AFF1: variants seen among roughly 807,000 people sequenced by gnomAD.
AFF1 encodes ALF transcription elongation factor 1.
Under a neutral mutation model 121.7 loss-of-function variants are expected in AFF1, and 48 were observed. The observed-to-expected ratio is 0.39, with a 90% confidence interval of 0.31 to 0.50. AFF1 has a LOEUF of 0.50. AFF1 is among the 20% of genes least tolerant of loss of function. AFF1 has a pLI of 0.76. For synonymous variants in AFF1, 613 were observed against 563.0 expected, an observed-to-expected ratio of 1.09 and a Z score of -1.26; for missense variants, 1,523 against 1,511.7, an observed-to-expected ratio of 1.01 and a Z score of -0.12.
At chr4:86,962,676 G>A (rs1160356160) in intron 2 of AFF1, among the ~76,000 whole-genome samples, 1 of 152,154 alleles carries the variant, frequency 6.6e-6, no homozygotes, top group Non-Finnish European at 1.5e-5. Context: ...TATGTGAACT[G>A]TATAATCACG....
rs747711765 is a variant in AFF1, at chr4:87,114,767, C to T, written c.1934C>T (p.Thr645Ile). Residue 645 changes from threonine to isoleucine, a missense_variant, in exon 12 of 21, where the codon ACT becomes ATT. Physicochemically the swap from Thr to Ile is moderately conservative, Grantham distance 89. Transcript: ENST00000395146. Reference sequence around the variant, plus strand: ...CTTCCCTATGGCTCCCGAGACCAGACTTCCAAAGACAAGCCCAAGGTGAAG... The same window carrying T: ...CTTCCCTATGGCTCCCGAGACCAGATTTCCAAAGACAAGCCCAAGGTGAAG... ...GLLPYGSRDQ[T>I]SKDKPKVKTK... 6.2e-7 allele frequency: 1 copy of T among 1,613,200 alleles called. No homozygotes were observed. The highest frequency in any genetic ancestry group is 1.1e-5 in the South Asian group (1 of 91,026).
intron 2 of AFF1, among the ~76,000 whole-genome samples, chr4:86,956,073 C>A (rs960253667): frequency 6.6e-6 from 1 of 152,122 alleles, no homozygotes; most frequent in Non-Finnish European, 1.5e-5. Flanking sequence ...TAGTGATTGG[C>A]CTGGGCATTG....
intron 2 of AFF1, among the ~76,000 whole-genome samples, chr4:86,985,181 CTATATATATATATATATATATATA>C (rs55891819): frequency 1.0e-5 from 1 of 96,520 alleles, no homozygotes; most frequent in African/African-American, 5.0e-5. Flanking sequence ...ATATGTATTA[CTATATATATATATATATATATATA>C]TATATATATA....
At chr4:87,045,222 T>C (rs1193279060) in intron 2 of AFF1, among the ~76,000 whole-genome samples, 1 of 152,230 alleles carries the variant, frequency 6.6e-6, no homozygotes, top group Non-Finnish European at 1.5e-5. Context: ...TATTTTCCTG[T>C]TTGTTCAAAC....
At chr4:86,950,083 G>C (rs1340677255) in intron 2 of AFF1, 18 of 1,614,016 alleles carry the variant, frequency 1.1e-5, no homozygotes, top group Non-Finnish European at 1.4e-5. Context: ...ACGCGGCGAA[G>C]CCCCAGTAGT....
intron 19 of AFF1, among the ~76,000 whole-genome samples, chr4:87,133,755 A>G (rs1729059262): frequency 6.6e-6 from 1 of 152,200 alleles, no homozygotes; most frequent in South Asian, 2.1e-4. Context: ...CCGCTGAACC[A>G]TCATCTTTCC....
chr4:87,069,542 CTT>C (rs202105053), intron 4 of AFF1, among the ~76,000 whole-genome samples: 2,121 of 146,466 alleles, frequency 0.014, 68 homozygotes, highest in African/African-American at 0.052. Flanking sequence ...CTCCCCTCCT[CTT>C]TCTCTCCCCT....
intron 4 of AFF1, among the ~76,000 whole-genome samples, chr4:87,063,256 T>TTTTTTTTA (rs869168821): frequency 7.4e-6 from 1 of 134,552 alleles, no homozygotes; most frequent in Non-Finnish European, 1.6e-5. Context: ...TTTTTTTTTT[T>TTTTTTTTA]GAGACAGAGT....
intron 2 of AFF1, among the ~76,000 whole-genome samples, chr4:87,017,114 T>C (rs2149549572): frequency 6.6e-6 from 1 of 150,926 alleles, no homozygotes; most frequent in Non-Finnish European, 1.5e-5. Context: ...TTTTTTTTTT[T>C]TTTTTTTGGT....
chr4:87,092,718 G>A (rs1724440779), intron 7 of AFF1, among the ~76,000 whole-genome samples: 2 of 152,154 alleles, frequency 1.3e-5, no homozygotes, highest in South Asian at 4.1e-4. Context: ...TACTGAATAA[G>A]ATCTTGCAAA....
intron 4 of AFF1, among the ~76,000 whole-genome samples, chr4:87,068,518 C>G (rs888982789): frequency 6.6e-6 from 1 of 152,176 alleles, no homozygotes; most frequent in Non-Finnish European, 1.5e-5. Context: ...ATTTTTGGGT[C>G]TTCACATCCT....
At chr4:87,135,294 T>C (rs1244150722) in intron 20 of AFF1, among the ~76,000 whole-genome samples, 1 of 149,896 alleles carries the variant, frequency 6.7e-6, no homozygotes, top group East Asian at 1.9e-4. Flanking sequence ...TGCTTTTAAC[T>C]TTTTTTTTTC....
intron 1 of AFF1, among the ~76,000 whole-genome samples, chr4:86,941,294 T>C (rs959157411): frequency 5.3e-5 from 8 of 152,204 alleles, no homozygotes; most frequent in Non-Finnish European, 1.0e-4. Flanking sequence ...GAGGATTGCA[T>C]GAGCTCATGA....
chr4:87,092,448 G>A (rs1056187025), intron 7 of AFF1, among the ~76,000 whole-genome samples: 2 of 152,114 alleles, frequency 1.3e-5, no homozygotes, highest in African/African-American at 4.8e-5. Context: ...TGTCATTCTT[G>A]TGTTTTAAAA....
At chr4:87,113,956 A>T (rs1006890140) in intron 11 of AFF1, among the ~76,000 whole-genome samples, 1 of 152,224 alleles carries the variant, frequency 6.6e-6, no homozygotes, top group Non-Finnish European at 1.5e-5. Context: ...AGCCCACTAA[A>T]AATTTATTCA....
chr4:87,068,056 A>G (rs1721555096), intron 4 of AFF1, among the ~76,000 whole-genome samples: 1 of 131,306 alleles, frequency 7.6e-6, no homozygotes, highest in South Asian at 2.5e-4. Context: ...GTAAAATACT[A>G]AAGTGACTGT....
rs2149723215 is a variant in AFF1 at position 87,094,912 on chromosome 4, C to T, written c.1229-3C>T. 3 of 1,613,264 alleles carry T rather than the reference C, an allele frequency of 1.9e-6. No individual in the cohort carries two copies. The highest frequency in any genetic ancestry group is 2.5e-6 in the Non-Finnish European group (3 of 1,179,288). On this transcript the variant is annotated splice_polypyrimidine_tract_variant and splice_region_variant and intron_variant, in intron 7 of 20. Coordinates refer to ENST00000395146, the MANE Select transcript of AFF1 (RefSeq NM_001166693.3). ...GCTGCTTTGATGTTTCTCTCCCCCA[C>T]AGAACAATATGATACATCTTCAAAA...
At chr4:87,017,931 C>T (rs1393315801) in intron 2 of AFF1, among the ~76,000 whole-genome samples, 4 of 74,020 alleles carry the variant, frequency 5.4e-5, no homozygotes, top group Non-Finnish European at 1.4e-4. Flanking sequence ...AGCATTCAGT[C>T]GTTCTATTTA....
chr4:86,985,919 G>A (rs1724221753), intron 2 of AFF1, among the ~76,000 whole-genome samples: 1 of 93,212 alleles, frequency 1.1e-5, no homozygotes, highest in South Asian at 5.3e-4. Flanking sequence ...CTCTGAATAA[G>A]CAAAGATTAC....
Sources: allele counts gnomAD v4.1 joint callset (sites outside exome capture counted in the v4.1 genomes callset), GRCh38; gene constraint gnomAD v4.1.1; transcripts MANE v1.5; gene names NCBI Gene and HGNC (gene_info 2026-07-23, HGNC 2026-07-21).